The following APP variants were observed in gnomAD, a reference collection of about 807,000 sequenced individuals.
APP encodes amyloid-beta precursor protein.
Under a neutral mutation model 101.4 loss-of-function variants are expected in APP, and 31 were observed. The observed-to-expected ratio is 0.31, with a 90% CI of 0.23 to 0.41. The LOEUF is 0.41. APP is among the 10% of genes least tolerant of loss of function. The pLI is 1.00. For missense variants in APP, 839 were observed against 1,003.7 expected (o/e 0.84, Z 2.22); for synonymous variants, 366 against 364.4 (o/e 1.00, Z -0.05).
At chr21:26,054,052 G>C (rs1212765621) in intron 3 of APP, among the ~76,000 whole-genome samples, 1 of 152,194 alleles carries the variant, frequency 6.6e-6, no homozygotes, top group Non-Finnish European at 1.5e-5. Flanking sequence ...TTATATGTAA[G>C]CTGTAAACTT....
chr21:26,023,491 GACTGCATC>G (rs1328371412), intron 5 of APP, among the ~76,000 whole-genome samples: 1 of 151,158 alleles, frequency 6.6e-6, no homozygotes, highest in African/African-American at 2.4e-5. Context: ...TGTGAGCTAT[GACTGCATC>G]ACTGCATTCC....
intron 9 of APP, among the ~76,000 whole-genome samples, chr21:25,977,898 T>G (rs2146583277): frequency 6.6e-6 from 1 of 152,358 alleles, no homozygotes; most frequent in East Asian, 1.9e-4. Flanking sequence ...AGCCTTGCAA[T>G]ATAAATATTT....
At chr21:25,904,957 A>C (rs1006102441) in intron 15 of APP, 67 bp downstream of exon 15, 3 of 1,368,684 alleles carry the variant, frequency 2.2e-6, no homozygotes, top group African/African-American at 1.4e-5. Context: ...AAATGCAGAA[A>C]GGAGACAACG....
intron 17 of APP, among the ~76,000 whole-genome samples, chr21:25,888,664 C>T (rs1218956462): frequency 6.6e-6 from 1 of 152,172 alleles, no homozygotes; most frequent in Non-Finnish European, 1.5e-5. Flanking sequence ...CGATTTTGCT[C>T]CTGCAAGGAT....
intron 13 of APP, among the ~76,000 whole-genome samples, chr21:25,927,249 G>C (rs1338266353): frequency 1.3e-5 from 2 of 152,068 alleles, no homozygotes; most frequent in Non-Finnish European, 2.9e-5. Flanking sequence ...TGCTTGGACA[G>C]CCCATTCTCA....
At chr21:25,983,623 A>G (rs2042523498) in intron 8 of APP, among the ~76,000 whole-genome samples, 1 of 152,252 alleles carries the variant, frequency 6.6e-6, no homozygotes, top group Admixed American at 6.5e-5. Flanking sequence ...TAAATAATTA[A>G]ACAGTATCTT....
At chr21:26,097,288 T>G (rs186953523) in intron 2 of APP, among the ~76,000 whole-genome samples, 1,531 of 152,288 alleles carry the variant, frequency 0.01, 10 homozygotes, top group Non-Finnish European at 0.016. Context: ...TATTAGAATA[T>G]ATAATCCTTG....
intron 13 of APP, among the ~76,000 whole-genome samples, chr21:25,944,701 T>G (rs779912747): frequency 2.0e-5 from 3 of 152,232 alleles, no homozygotes; most frequent in Non-Finnish European, 4.4e-5. Flanking sequence ...CAAACATCAC[T>G]GATTTTTTTC....
chr21:26,104,115 T>C (rs1274856500), intron 2 of APP, among the ~76,000 whole-genome samples: 1 of 152,142 alleles, frequency 6.6e-6, no homozygotes, highest in Non-Finnish European at 1.5e-5. Flanking sequence ...AAAGGCAAGC[T>C]CTTTGGTATC....
intron 5 of APP, among the ~76,000 whole-genome samples, chr21:26,028,300 T>C (rs2044671669): frequency 6.6e-6 from 1 of 152,190 alleles, no homozygotes; most frequent in Admixed American, 6.5e-5. Flanking sequence ...TAATGAATAC[T>C]TATTCTGAGT....
At chr21:26,072,947 G>C (rs2061434170) in intron 3 of APP, among the ~76,000 whole-genome samples, 2 of 152,058 alleles carry the variant, frequency 1.3e-5, no homozygotes. Flanking sequence ...GTCTGAATTT[G>C]CCATTTTTTG....
At chr21:26,144,628 T>C (rs1008408471) in intron 1 of APP, among the ~76,000 whole-genome samples, 1 of 152,238 alleles carries the variant, frequency 6.6e-6, no homozygotes, top group Non-Finnish European at 1.5e-5. Context: ...AGATGTCTTA[T>C]CATGGTCAAT....
intron 8 of APP, among the ~76,000 whole-genome samples, chr21:25,992,761 A>C (rs2042917954): frequency 6.6e-6 from 1 of 152,210 alleles, no homozygotes; most frequent in South Asian, 2.1e-4. Flanking sequence ...AGTTTAATTC[A>C]CCATCACATC....
intron 6 of APP, among the ~76,000 whole-genome samples, chr21:26,001,318 T>A (rs1007052829): frequency 6.6e-6 from 1 of 152,202 alleles, no homozygotes; most frequent in Non-Finnish European, 1.5e-5. Context: ...CTACCTCCCA[T>A]GTATATCCCA....
chr21:25,881,525 G>A lies in APP; in HGVS notation c.*145C>T, dbSNP rs2036981559. The stretch of plus-strand genomic sequence containing the variant: ...TTAATTCAAGTTCAGGCATCTACTT[G>A]TGTTACAGCACAGCTGTCAAAAGGC... On this transcript the variant is annotated 3_prime_UTR_variant, in exon 18 of 18. Transcript: ENST00000346798. 1.2e-6 allele frequency: 1 copy of A among 859,136 alleles called. No homozygotes were observed. Among genetic ancestry groups the A allele is most frequent in the Non-Finnish European group, 1.9e-6 (1 of 517,914 alleles). 53.2% of individuals were successfully genotyped at this position (859,136 alleles called of 1,614,324 possible). A position where few individuals can be genotyped will look rare whatever the true frequency, so the allele number is the denominator to read the frequency against.
intron 5 of APP, among the ~76,000 whole-genome samples, chr21:26,036,045 T>C (rs923766750): frequency 2.7e-4 from 41 of 152,050 alleles, no homozygotes; most frequent in African/African-American, 9.4e-4. Context: ...GCCTATGAAA[T>C]AACTAGGTAG....
Position 25,881,690 on chromosome 21 carries a change from A to G in APP, c.2293T>C (p.Phe765Leu). The G allele has an allele frequency of 6.2e-7, 1 of 1,614,052 alleles. No individual in the cohort carries two copies. Among genetic ancestry groups the G allele is most frequent in the Non-Finnish European group, 8.5e-7 (1 of 1,180,018 alleles). ...NGYENPTYKFFEQMQN is the reference protein window; with the variant it reads ...NGYENPTYKFLEQMQN The stretch of plus-strand genomic sequence containing the variant: ...GGGGTCTAGTTCTGCATCTGCTCAA[A>G]GAACTTGTAGGTTGGATTTTCGTAG... Residue 765 changes from phenylalanine to leucine, a missense_variant, in exon 18 of 18, where the codon TTT (phenylalanine) becomes CTT (leucine). By Grantham distance (22) the Phe-to-Leu change is conservative. Transcript: ENST00000346798.
intron 13 of APP, chr21:25,942,664 G>A (rs2040625985): frequency 6.6e-6 from 1 of 152,146 alleles, no homozygotes; most frequent in Non-Finnish European, 1.5e-5. Context: ...TGGAACATGG[G>A]AAGCATTTAA....
At chr21:26,139,326 T>G (rs2062991214) in intron 1 of APP, among the ~76,000 whole-genome samples, 1 of 152,138 alleles carries the variant, frequency 6.6e-6, no homozygotes, top group Non-Finnish European at 1.5e-5. Flanking sequence ...CAAATAATTG[T>G]GCAAAAAAAT....
Sources: allele counts gnomAD v4.1 joint callset (sites outside exome capture counted in the v4.1 genomes callset), GRCh38; gene constraint gnomAD v4.1.1; transcripts MANE v1.5; gene names NCBI Gene and HGNC (gene_info 2026-07-23, HGNC 2026-07-21).